The following PICALM variants were observed in gnomAD, a reference collection of about 807,000 sequenced individuals.
PICALM encodes phosphatidylinositol-binding clathrin assembly protein.
In PICALM, 40 loss-of-function variants were observed where a neutral mutation model predicts 80.5. The observed-to-expected ratio is 0.50, with a 90% CI of 0.39 to 0.65. The LOEUF (loss-of-function observed/expected upper bound fraction) is 0.65. Among genes scored for constraint, PICALM ranks in the 30% least tolerant of loss-of-function variants. The pLI is 0.00. For missense variants in PICALM, 676 were observed against 778.9 expected, an observed-to-expected ratio of 0.87 and a Z score of 1.57; for synonymous variants, 288 against 260.3, an observed-to-expected ratio of 1.11 and a Z score of -1.02.
chr11:85,971,660 T>C (rs1409006081), intron 19 of PICALM, among the ~76,000 whole-genome samples: 2 of 151,186 alleles, frequency 1.3e-5, no homozygotes, highest in African/African-American at 4.9e-5. Flanking sequence ...GGCTTGAACA[T>C]GGGAGATGGA....
intron 4 of PICALM, 69 bp from the exon 5 acceptor site, chr11:86,015,032 C>G (rs943191300): frequency 1.1e-4 from 98 of 904,358 alleles, no homozygotes; most frequent in Non-Finnish European, 1.5e-4. Flanking sequence ...AACTCCCCCC[C>G]TGGTTTTCTA....
intron 1 of PICALM, among the ~76,000 whole-genome samples, chr11:86,042,841 A>G (rs2095999524): frequency 6.6e-6 from 1 of 152,250 alleles, no homozygotes; most frequent in Non-Finnish European, 1.5e-5. Context: ...AGACAGGGAA[A>G]AAGAAACCAA....
At chr11:86,004,630 C>T (rs2095238841) in intron 8 of PICALM, among the ~76,000 whole-genome samples, 1 of 151,952 alleles carries the variant, frequency 6.6e-6, no homozygotes, top group Non-Finnish European at 1.5e-5. Context: ...GAACTGTCCG[C>T]TCTAAGTGAA....
intron 9 of PICALM, among the ~76,000 whole-genome samples, chr11:86,003,072 G>C (rs1367474474): frequency 6.6e-6 from 1 of 152,126 alleles, no homozygotes; most frequent in Non-Finnish European, 1.5e-5. Flanking sequence ...CAATGCATTA[G>C]CATCTTTAGG....
In PICALM at chr11:86,001,285, A is replaced by G. The variant is rs962251248; in HGVS notation, c.894-127T>C. ...AATTATAAACTTAACTTCTGGATTC[A>G]AATCCAGTACTTCAGATGAAATATT... On this transcript the variant is annotated intron_variant, in intron 9 of 19. Transcript: ENST00000393346. 35 of 818,094 alleles carry G rather than the reference A, an allele frequency of 4.3e-5. No homozygotes were observed. The African/African-American group carries it at 5.7e-4, about 13-fold the overall frequency. 50.7% of individuals were successfully genotyped at this position (818,094 alleles called of 1,614,324 possible).
chr11:86,007,555 G>T lies in PICALM; in HGVS notation c.794C>A (p.Pro265Gln). Residue 265 changes from proline (P) to glutamine (Q), a missense_variant, in exon 8 of 20, where the codon CCA becomes CAA. This residue lies in a region of PICALM where 285 missense variants were observed against 395.4 expected (regional missense o/e 0.72). Transcript: ENST00000393346. ...CAATAAACTTACCTGTGAAAGGTCT[G>T]GTATATCACCTCTGTCAATTCCAAC... is the stretch of plus-strand genomic sequence containing the variant. ...EQVGIDRGDI[P>Q]DLSQAPSSLL... 2.0e-6 allele frequency: 3 copies of T among 1,505,362 alleles called. No individual in the cohort carries two copies. The highest frequency in any genetic ancestry group is 1.4e-5 in the African/African-American group (1 of 71,688). The allele number at this position is 1,505,362 out of a possible 1,614,324, so 93.3% of individuals were successfully genotyped here. A position where few individuals can be genotyped will look rare whatever the true frequency, so the allele number is the denominator to read the frequency against.
intron 12 of PICALM, among the ~76,000 whole-genome samples, chr11:85,996,347 G>T (rs2094960005): frequency 6.6e-6 from 1 of 151,970 alleles, no homozygotes; most frequent in South Asian, 2.1e-4. Context: ...AAACATTTAT[G>T]TCTTGACCAT....
upstream of PICALM, chr11:86,069,119 C>T (rs944280330): frequency 1.1e-5 from 3 of 267,524 alleles, no homozygotes; most frequent in East Asian, 1.2e-4. Context: ...TTCCGGGCTG[C>T]CCCGGGTCAC....
At chr11:86,035,102 T>G (rs2136883838) in intron 1 of PICALM, among the ~76,000 whole-genome samples, 1 of 148,158 alleles carries the variant, frequency 6.7e-6, no homozygotes, top group Non-Finnish European at 1.5e-5. Flanking sequence ...TGCAAAACAG[T>G]ATTTTTGTAT....
chr11:86,002,395 T>C (rs1371026109), intron 9 of PICALM, among the ~76,000 whole-genome samples: 1 of 152,200 alleles, frequency 6.6e-6, no homozygotes, highest in Non-Finnish European at 1.5e-5. Context: ...TCTTTCTTCA[T>C]GCTGTTTTAA....
intron 4 of PICALM, among the ~76,000 whole-genome samples, chr11:86,019,999 A>C (rs1401755909): frequency 6.6e-6 from 1 of 152,150 alleles, no homozygotes. Context: ...GCTGCTGCTA[A>C]GAATGTCTTC....
intron 4 of PICALM, among the ~76,000 whole-genome samples, chr11:86,018,003 T>C (rs2095506984): frequency 6.6e-6 from 1 of 152,196 alleles, no homozygotes; most frequent in Non-Finnish European, 1.5e-5. Flanking sequence ...TTCTCTAATA[T>C]TCTTGCTACA....
intron 1 of PICALM, among the ~76,000 whole-genome samples, chr11:86,043,799 T>C (rs2096017184): frequency 6.6e-6 from 1 of 152,172 alleles, no homozygotes; most frequent in Non-Finnish European, 1.5e-5. Flanking sequence ...CATGTCTAAA[T>C]TAAGTAGGAA....
At chr11:85,979,731 TG>T (rs1343347440) in intron 17 of PICALM, among the ~76,000 whole-genome samples, 1 of 152,210 alleles carries the variant, frequency 6.6e-6, no homozygotes, top group East Asian at 1.9e-4. Context: ...GGCAGTGCTC[TG>T]GAAGTGGCTA....
At chr11:85,962,824 T>C (rs897441717) in intron 19 of PICALM, among the ~76,000 whole-genome samples, 4 of 152,220 alleles carry the variant, frequency 2.6e-5, no homozygotes, top group Non-Finnish European at 5.9e-5. Context: ...CTAGCTAGGC[T>C]GACTGCACAG....
At chr11:86,024,655 T>A (rs953777755) in intron 3 of PICALM, among the ~76,000 whole-genome samples, 1 of 151,942 alleles carries the variant, frequency 6.6e-6, no homozygotes, top group African/African-American at 2.4e-5. Context: ...CTATAAAAAA[T>A]TTTTGTGCTT....
intron 19 of PICALM, among the ~76,000 whole-genome samples, chr11:85,963,930 T>TTTTTA (rs1240038899): frequency 1.3e-5 from 2 of 148,532 alleles, no homozygotes; most frequent in African/African-American, 4.9e-5. Context: ...CTTTTTTTTT[T>TTTTTA]TTTTTTTTTT....
At chr11:86,022,553 AC>A in intron 3 of PICALM, 84 bp from the exon 4 acceptor site, 2 of 672,064 alleles carry the variant, frequency 3.0e-6, no homozygotes, top group Non-Finnish European at 5.0e-6. Flanking sequence ...GCCTAGAAAA[AC>A]AACTCATTGC....
chr11:85,977,296 AG>A (rs2094313113), intron 17 of PICALM, among the ~76,000 whole-genome samples: 1 of 152,234 alleles, frequency 6.6e-6, no homozygotes, highest in South Asian at 2.1e-4. Flanking sequence ...ATTATTTAAG[AG>A]GAACAATCAA....
Sources: gnomAD v4.1 joint callset for allele counts (sites outside exome capture counted in the v4.1 genomes callset) on GRCh38, gnomAD v4.1.1 for gene constraint, gnomAD v4.1.1 regional missense constraint, MANE v1.5 for transcripts, NCBI Gene and HGNC (gene_info 2026-07-23, HGNC 2026-07-21) for gene names.